Variants in DLGAP3 observed in about 807,000 individuals in gnomAD.
DLGAP3 encodes the protein disks large-associated protein 3.
A neutral mutation model predicts 81.2 loss-of-function variants in DLGAP3; 17 were observed. That is an observed-to-expected ratio of 0.21 (90% CI 0.14 to 0.31). DLGAP3 has a LOEUF of 0.31. Among genes scored for constraint, DLGAP3 ranks in the 10% least tolerant of loss-of-function variants. The pLI, the probability that DLGAP3 is intolerant of heterozygous loss-of-function variation, is 1.00. For synonymous variants in DLGAP3, 577 were observed against 587.4 expected (o/e 0.98, Z 0.26); for missense variants, 1,124 against 1,388.0 (o/e 0.81, Z 3.02).
intron 8 of DLGAP3, among the ~76,000 whole-genome samples, chr1:34,879,196 A>G (rs998489276): frequency 4.6e-5 from 7 of 152,168 alleles, no homozygotes; most frequent in Non-Finnish European, 1.0e-4. Context: ...TTACATTGTA[A>G]TATATAATAA....
At chr1:34,928,484 C>A (rs937568669) in intron 1 of DLGAP3, among the ~76,000 whole-genome samples, 1 of 151,776 alleles carries the variant, frequency 6.6e-6, no homozygotes, top group Non-Finnish European at 1.5e-5. Context: ...CCAGAGGGCA[C>A]CCCCTGAGGT....
At chr1:34,905,548 T>A in intron 2 of DLGAP3, 114 bp from the exon 3 acceptor site, 1 of 746,346 alleles carries the variant, frequency 1.3e-6, no homozygotes, top group Non-Finnish European at 2.1e-6. Flanking sequence ...TTATTATGAT[T>A]AATCACACTA....
Position 34,904,933 on chromosome 1 carries a change from C to G in DLGAP3, c.451G>C (p.Gly151Arg), listed in dbSNP as rs771941140. 2 of 1,612,406 alleles carry G rather than the reference C, an allele frequency of 1.2e-6. No individual in the cohort carries two copies. The highest frequency in any genetic ancestry group is 1.7e-6 in the Non-Finnish European group (2 of 1,179,778). Residue 151 changes from glycine (G) to arginine (R), a missense_variant, in exon 3 of 12, where the codon GGG becomes CGG. Transcript: ENST00000373347. This position sits in a 1 kb window ranked among gnomAD's most constrained non-coding sequence, Gnocchi z 8.1. ...YQRGPAGAGP[G>R]PAPGTGTAPE... ...GCAGTGCCCGTCCCTGGCGCTGGCC[C>G]GGGCCCTGCCCCTGCTGGCCCTCGC...
At chr1:34,876,152 G>A (rs938765625) in intron 8 of DLGAP3, among the ~76,000 whole-genome samples, 2 of 152,206 alleles carry the variant, frequency 1.3e-5, no homozygotes, top group African/African-American at 4.8e-5. Flanking sequence ...ATGAATCTTG[G>A]CGGGGGGGTG....
chr1:34,903,004 T>C (rs1639486500), intron 3 of DLGAP3, among the ~76,000 whole-genome samples: 1 of 152,174 alleles, frequency 6.6e-6, no homozygotes, highest in Non-Finnish European at 1.5e-5. Flanking sequence ...TTGCTTGCAC[T>C]GTGGCCCTAT....
chr1:34,923,081 TC>T (rs1356136482), intron 1 of DLGAP3, among the ~76,000 whole-genome samples: 3 of 150,984 alleles, frequency 2.0e-5, no homozygotes, highest in African/African-American at 7.3e-5. Context: ...CAGGAGACAA[TC>T]CCCCCGTATA....
chr1:34,910,461 T>C (rs1024270214), intron 1 of DLGAP3, among the ~76,000 whole-genome samples: 1 of 152,262 alleles, frequency 6.6e-6, no homozygotes, highest in African/African-American at 2.4e-5. Flanking sequence ...GTTCTTAGGA[T>C]AAAATGCCTT....
intron 5 of DLGAP3, 27 bp downstream of exon 5, chr1:34,899,642 C>A: frequency 6.3e-7 from 1 of 1,586,200 alleles, no homozygotes; most frequent in Non-Finnish European, 8.7e-7. Flanking sequence ...TCACTCTTTC[C>A]TCCAGGCATA....
chr1:34,904,898 G>C lies in DLGAP3; in HGVS notation c.486C>G (p.Pro162=). The C allele has an allele frequency of 6.2e-7, 1 of 1,611,316 alleles. No individual in the cohort carries two copies. Among genetic ancestry groups the C allele is most frequent in the Non-Finnish European group, 8.5e-7 (1 of 1,179,994 alleles). Residue 162 remains proline, a synonymous_variant, in exon 3 of 12, where the codon CCC becomes CCG. Transcript: ENST00000373347. The surrounding 1 kb of genome is among the most constrained non-coding windows in gnomAD (Gnocchi z 8.1). ...PAPGTGTAPE[P]RSESPSRIRH... is the part of the protein sequence containing the mutation. ...GGATGCGGCTAGGGCTCTCACTGCG[G>C]GGCTCTGGGGCAGTGCCCGTCCCTG... is the stretch of plus-strand genomic sequence containing the variant.
intron 5 of DLGAP3, among the ~76,000 whole-genome samples, chr1:34,898,553 A>C (rs1024627874): frequency 1.3e-5 from 2 of 152,258 alleles, no homozygotes; most frequent in African/African-American, 4.8e-5. Flanking sequence ...AGCAGTGAAC[A>C]ATGAGAGCCA....
At position 34,900,439 on chromosome 1, in the gene DLGAP3, C is replaced by T. The variant is rs1639440839; in HGVS notation, c.1108-166G>A. 6.6e-6 allele frequency among the ~76,000 whole-genome samples: 1 copy of T among 152,192 alleles called. No individual in the cohort carries two copies. The highest frequency in any genetic ancestry group is 1.5e-5 in the Non-Finnish European group (1 of 68,034). On this transcript the variant is annotated intron_variant, in intron 3 of 11. Transcript: ENST00000373347. The surrounding 1 kb of genome is among the most constrained non-coding windows in gnomAD (Gnocchi z 5.6). ...GTAGGGTCTCAGGCTGTCCCCGTCCCTTACAAGAGACACCTCGTCATCCTC... is the reference window on the plus strand; with the variant it reads ...GTAGGGTCTCAGGCTGTCCCCGTCCTTTACAAGAGACACCTCGTCATCCTC...
In DLGAP3 at chr1:34,868,570, C is replaced by A. The variant is rs773118746; in HGVS notation, c.2485+35G>T. The A allele has an allele frequency of 2.5e-6, 4 of 1,577,154 alleles. No individual in the cohort carries two copies. In the African/African-American group the frequency reaches 4.0e-5, roughly 16 times the overall value. Reference sequence around the variant, plus strand: ...TCCTGAGCACACACGAGGCCATGGTCCCCAGAGTCCCCTTGTTCCGATGCC... The same window carrying A: ...TCCTGAGCACACACGAGGCCATGGTACCCAGAGTCCCCTTGTTCCGATGCC... On this transcript the variant is annotated intron_variant, in intron 9 of 11. Coordinates refer to ENST00000373347, the MANE Select transcript of DLGAP3 (RefSeq NM_001080418.3). The surrounding 1 kb of genome is among the most constrained non-coding windows in gnomAD (Gnocchi z 7.5).
intron 8 of DLGAP3, among the ~76,000 whole-genome samples, chr1:34,871,302 C>A (rs1638976525): frequency 6.6e-6 from 1 of 152,212 alleles, no homozygotes; most frequent in African/African-American, 2.4e-5. Flanking sequence ...GCGATCCTGA[C>A]TCCAAGCCTT....
chr1:34,895,622 G>T lies in DLGAP3; in HGVS notation c.1386+4047C>A. Among the ~76,000 whole-genome samples the T allele has an allele frequency of 6.6e-6, 1 of 152,016 alleles. No homozygotes were observed. Among genetic ancestry groups the T allele is most frequent in the Non-Finnish European group, 1.5e-5 (1 of 68,004 alleles). On this transcript the variant is annotated intron_variant, in intron 5 of 11. Coordinates refer to ENST00000373347, the MANE Select transcript of DLGAP3 (RefSeq NM_001080418.3). This position sits in a 1 kb window ranked among gnomAD's most constrained non-coding sequence, Gnocchi z 4.5. ...ATGCAAAGGAAACACAAAACACAAA[G>T]CAGTCTTTAAAAGGAGTAACAAAAT...
At position 34,900,309 on chromosome 1, in the gene DLGAP3, C is replaced by T; in HGVS notation, c.1108-36G>A. ...AGGGGTCTCTGTCTCTCAGACATGACCCTAGTAAATCTAGAGGCCAGGACT... is the reference window on the plus strand; with the variant it reads ...AGGGGTCTCTGTCTCTCAGACATGATCCTAGTAAATCTAGAGGCCAGGACT... On this transcript the variant is annotated intron_variant, in intron 3 of 11. Transcript: ENST00000373347. This position sits in a 1 kb window ranked among gnomAD's most constrained non-coding sequence, Gnocchi z 5.6. 2 of 1,600,466 alleles carry T rather than the reference C, an allele frequency of 1.2e-6. No homozygotes were observed. The highest frequency in any genetic ancestry group is 1.7e-6 in the Non-Finnish European group (2 of 1,169,238).
Position 34,904,452 on chromosome 1 carries a change from C to A in DLGAP3, c.932G>T (p.Arg311Leu). The A allele has an allele frequency of 1.9e-6, 3 of 1,614,098 alleles. No homozygotes were observed. The highest frequency in any genetic ancestry group is 2.5e-6 in the Non-Finnish European group (3 of 1,180,026). ...FKGRSGGSEG[R>L]CLACTGMSMS... ...GGACATGCCAGTGCAGGCAAGGCAGCGGCCTTCCGACCCGCCCGAGCGCCC... is the reference window on the plus strand; with the variant it reads ...GGACATGCCAGTGCAGGCAAGGCAGAGGCCTTCCGACCCGCCCGAGCGCCC... The change falls in exon 3 of 12, where the codon CGC (arginine) becomes CTC (leucine). Residue 311 changes from arginine to leucine, a missense_variant. Coordinates refer to ENST00000373347, the MANE Select transcript of DLGAP3 (RefSeq NM_001080418.3). This position sits in a 1 kb window ranked among gnomAD's most constrained non-coding sequence, Gnocchi z 8.1.
rs1003197810 is a variant in DLGAP3 at position 34,868,018 on chromosome 1, G to C, written c.2486-391C>G. ...CTCCCCAGTGCATGCAAGACTCCTTGGCTCTTTAAGAATGACCAAGTAATT... is the reference window on the plus strand; with the variant it reads ...CTCCCCAGTGCATGCAAGACTCCTTCGCTCTTTAAGAATGACCAAGTAATT... On this transcript the variant is annotated intron_variant, in intron 9 of 11. Coordinates refer to ENST00000373347, the MANE Select transcript of DLGAP3 (RefSeq NM_001080418.3). This position sits in a 1 kb window ranked among gnomAD's most constrained non-coding sequence, Gnocchi z 7.5. Among the ~76,000 whole-genome samples, 1 of 152,130 alleles carries C rather than the reference G, an allele frequency of 6.6e-6. No individual in the cohort carries two copies. The highest frequency in any genetic ancestry group is 2.4e-5 in the African/African-American group (1 of 41,414).
At chr1:34,888,791 T>C (rs1639272972) in intron 5 of DLGAP3, among the ~76,000 whole-genome samples, 2 of 152,200 alleles carry the variant, frequency 1.3e-5, no homozygotes, top group South Asian at 4.2e-4. Flanking sequence ...TCTGTCTCTG[T>C]ATTTCTGGGG....
At chr1:34,921,888 T>C (rs1353835312) in intron 1 of DLGAP3, among the ~76,000 whole-genome samples, 2 of 152,232 alleles carry the variant, frequency 1.3e-5, no homozygotes, top group East Asian at 1.9e-4. Flanking sequence ...GATTTGTTAA[T>C]GGATGTGCAT....
Sources: gnomAD v4.1 joint callset for allele counts (sites outside exome capture counted in the v4.1 genomes callset) on GRCh38, gnomAD v4.1.1 for gene constraint, Gnocchi (gnomAD v3.1) non-coding constraint, MANE v1.5 for transcripts, NCBI Gene and HGNC (gene_info 2026-07-23, HGNC 2026-07-21) for gene names.